Variants in APP observed in about 807,000 individuals in gnomAD.
APP encodes the protein amyloid beta precursor protein.
Under a neutral mutation model 101.4 loss-of-function variants are expected in APP, and 31 were observed. The ratio of observed to expected loss-of-function variants is 0.31; its 90% CI spans 0.23 to 0.41. The LOEUF is 0.41. Ranked by LOEUF, APP falls within the 10% of genes least tolerant of loss-of-function variation. APP has a pLI of 1.00. For synonymous variants in APP, 366 were observed against 364.4 expected, an observed-to-expected ratio of 1.00 and a Z score of -0.05; for missense variants, 839 against 1,003.7, an observed-to-expected ratio of 0.84 and a Z score of 2.22.
At chr21:26,089,789 G>T in intron 3 of APP, 154 bp downstream of exon 3, 2 of 1,149,628 alleles carry the variant, frequency 1.7e-6, no homozygotes, top group Non-Finnish European at 2.5e-6. Context: ...TCAGTGCACA[G>T]AATGTAACTG....
chr21:25,942,847 G>C (rs1272328985), intron 13 of APP, among the ~76,000 whole-genome samples: 1 of 151,938 alleles, frequency 6.6e-6, no homozygotes, highest in Admixed American at 6.6e-5. Context: ...TATATTTCAC[G>C]ATGCTGTGCA....
chr21:26,149,803 T>C (rs945108592), intron 1 of APP, among the ~76,000 whole-genome samples: 3 of 152,198 alleles, frequency 2.0e-5, no homozygotes, highest in Non-Finnish European at 4.4e-5. Flanking sequence ...TTATAAATGA[T>C]TGATCAATGG....
At chr21:26,128,343 T>G (rs2830072) in intron 1 of APP, among the ~76,000 whole-genome samples, 59,452 of 152,122 alleles carry the variant, frequency 0.39, 14,271 homozygotes, top group Non-Finnish European at 0.53. Context: ...CTCTGACAAT[T>G]TACTATCCGT....
At chr21:25,974,931 G>T in intron 11 of APP, 139 bp downstream of exon 11, 1 of 1,289,932 alleles carries the variant, frequency 7.8e-7, no homozygotes, top group South Asian at 1.3e-5. Flanking sequence ...AAGATGGAAT[G>T]GACAGGGGTT....
At chr21:26,149,996 G>A (rs2063231317) in intron 1 of APP, among the ~76,000 whole-genome samples, 1 of 152,160 alleles carries the variant, frequency 6.6e-6, no homozygotes, top group Admixed American at 6.5e-5. Context: ...TCTCTACCCT[G>A]TTAGGTTCAG....
intron 3 of APP, among the ~76,000 whole-genome samples, chr21:26,060,395 C>T (rs1032371002): frequency 1.3e-5 from 2 of 152,170 alleles, no homozygotes; most frequent in African/African-American, 4.8e-5. Context: ...GAGTGCTGGT[C>T]CTGGCTGGGA....
intron 15 of APP, among the ~76,000 whole-genome samples, chr21:25,904,093 C>T (rs753901761): frequency 1.3e-5 from 2 of 152,142 alleles, no homozygotes; most frequent in African/African-American, 2.4e-5. Flanking sequence ...CTTTGACTAT[C>T]GCCTGGGGAC....
intron 1 of APP, among the ~76,000 whole-genome samples, chr21:26,154,762 T>C (rs1323713653): frequency 6.6e-6 from 1 of 152,212 alleles, no homozygotes; most frequent in African/African-American, 2.4e-5. Flanking sequence ...TCTCCAGATA[T>C]TACTTTCTTC....
chr21:26,077,701 C>A lies in APP; in HGVS notation c.355+12242G>T, dbSNP rs7276497. On this transcript the variant is annotated intron_variant, in intron 3 of 17. Coordinates refer to ENST00000346798, the MANE Select transcript of APP (RefSeq NM_000484.4). ...GGACTAGCTGCTCTCCAGACGGTTG[C>A]ACAGCTGTTGCCTGAGATTTCCCTT... Among the ~76,000 whole-genome samples the A allele has an allele frequency of 6.3e-3, 951 of 150,630 alleles. 8 individuals are homozygous for A. Among genetic ancestry groups the A allele is most frequent in the African/African-American group, 0.022 (884 of 40,930 alleles).
At chr21:26,029,179 C>G (rs1204471132) in intron 5 of APP, among the ~76,000 whole-genome samples, 1 of 152,082 alleles carries the variant, frequency 6.6e-6, no homozygotes, top group Non-Finnish European at 1.5e-5. Flanking sequence ...CATAGTGTTA[C>G]CCAGTACGGT....
At chr21:25,883,572 A>G (rs1418023559) in intron 17 of APP, among the ~76,000 whole-genome samples, 1 of 152,146 alleles carries the variant, frequency 6.6e-6, no homozygotes, top group Non-Finnish European at 1.5e-5. Context: ...ACGTGCCTGT[A>G]GTCCCAGCTA....
chr21:25,883,406 GA>G (rs922783986), intron 17 of APP, among the ~76,000 whole-genome samples: 1 of 147,748 alleles, frequency 6.8e-6, no homozygotes, highest in African/African-American at 2.5e-5. Flanking sequence ...CCATCTCCAA[GA>G]AAAAAAAGGC....
intron 5 of APP, among the ~76,000 whole-genome samples, chr21:26,029,258 C>T (rs2830016): frequency 0.045 from 6,845 of 152,138 alleles, 542 homozygotes; most frequent in African/African-American, 0.16. Context: ...GGCTGCTGGG[C>T]ACAGAATGGT....
At chr21:26,158,858 C>T (rs1372364481) in intron 1 of APP, among the ~76,000 whole-genome samples, 1 of 152,156 alleles carries the variant, frequency 6.6e-6, no homozygotes, top group Non-Finnish European at 1.5e-5. Context: ...TGTACCTCCT[C>T]TATTATAGCC....
At chr21:25,910,055 C>T (rs762627082) in intron 14 of APP, among the ~76,000 whole-genome samples, 3 of 152,070 alleles carry the variant, frequency 2.0e-5, no homozygotes, top group Non-Finnish European at 2.9e-5. Context: ...TTGTCCAGTA[C>T]ACTTAAGGTC....
intron 16 of APP, among the ~76,000 whole-genome samples, chr21:25,894,797 G>A (rs183355145): frequency 5.9e-5 from 9 of 152,300 alleles, no homozygotes; most frequent in African/African-American, 1.4e-4. Context: ...CTAGATTTGC[G>A]AAGACTGACT....
upstream of APP, chr21:26,170,827 C>A: frequency 1.9e-6 from 1 of 514,364 alleles, no homozygotes; most frequent in South Asian, 3.0e-5. Context: ...ATCCGGCCCA[C>A]CCCGCTCGGC....
intron 8 of APP, among the ~76,000 whole-genome samples, chr21:25,988,754 G>A (rs1011644046): frequency 6.7e-6 from 1 of 150,322 alleles, no homozygotes; most frequent in African/African-American, 2.5e-5. Context: ...CTTGGACCAG[G>A]GTGGCTGTCA....
intron 14 of APP, among the ~76,000 whole-genome samples, chr21:25,907,045 A>G (rs2038829844): frequency 6.6e-6 from 1 of 152,184 alleles, no homozygotes; most frequent in African/African-American, 2.4e-5. Context: ...TGTGTCACAA[A>G]GTAAATGGTT....
Sources: allele counts gnomAD v4.1 joint callset (sites outside exome capture counted in the v4.1 genomes callset), GRCh38; gene constraint gnomAD v4.1.1; transcripts MANE v1.5; gene names NCBI Gene and HGNC (gene_info 2026-07-23, HGNC 2026-07-21).